Variants in PIR observed in about 807,000 individuals in gnomAD.
PIR encodes the protein pirin (iron-binding nuclear protein).
In PIR, 22 loss-of-function variants were observed where a neutral mutation model predicts 24.2. The ratio of observed to expected loss-of-function variants is 0.91; its 90% CI spans 0.65 to 1.30. PIR has a LOEUF of 1.30. Among genes scored for constraint, PIR ranks in the 50% most tolerant of loss-of-function variants. The pLI is 0.00. For synonymous variants in PIR, 80 were observed against 79.6 expected, an observed-to-expected ratio of 1.00 and a Z score of -0.03; for missense variants, 220 against 220.3, an observed-to-expected ratio of 1.00 and a Z score of 0.01.
At chrX:15,488,278 CAAA>C (rs1184870069) in intron 2 of PIR, among the ~76,000 whole-genome samples, 2 of 31,934 alleles carry the variant, frequency 6.3e-5, no homozygotes, top group Middle Eastern at 0.019. Flanking sequence ...AACTCCGTCT[CAAA>C]AAAAAAAAAA....
chrX:15,428,335 G>C (rs985432719), intron 5 of PIR, among the ~76,000 whole-genome samples: 7 of 111,592 alleles, frequency 6.3e-5, no homozygotes, highest in Admixed American at 4.8e-4. Flanking sequence ...GTCTGATGAG[G>C]ACTTCTAAAA....
chrX:15,476,600 A>G (rs972307728), intron 3 of PIR, among the ~76,000 whole-genome samples: 1 of 111,136 alleles, frequency 9.0e-6, no homozygotes, highest in Non-Finnish European at 1.9e-5. Context: ...AAATGATCTG[A>G]CTTCCTTAAT....
In PIR at chrX:15,457,081, A is replaced by C. The variant is rs568102800; in HGVS notation, c.274-1027T>G. 3.5e-4 allele frequency among the ~76,000 whole-genome samples: 39 copies of C among 112,272 alleles called. No individual in the cohort carries two copies. In the South Asian group the frequency reaches 0.014, roughly 40 times the overall value. On this transcript the variant is annotated intron_variant, in intron 4 of 9. Coordinates refer to ENST00000380420, the MANE Select transcript of PIR (RefSeq NM_001018109.3). The stretch of plus-strand genomic sequence containing the variant: ...AGTGAGGCAAGGGAGAAAGCCAAAA[A>C]GAGTTGTTAATGAGAAGGTTATATC...
chrX:15,479,035 A>T, intron 3 of PIR, among the ~76,000 whole-genome samples: 1 of 112,388 alleles, frequency 8.9e-6, no homozygotes, highest in Non-Finnish European at 1.9e-5. Context: ...TGTGTGGACA[A>T]TGAGAATCTT....
chrX:15,401,544 A>C (rs1317740952), intron 7 of PIR, among the ~76,000 whole-genome samples: 1 of 111,612 alleles, frequency 9.0e-6, no homozygotes, highest in Non-Finnish European at 1.9e-5. Context: ...TTATCTCCTG[A>C]ACCTAAAATA....
At chrX:15,401,809 T>C (rs768778488) in intron 7 of PIR, among the ~76,000 whole-genome samples, 5 of 108,487 alleles carry the variant, frequency 4.6e-5, no homozygotes, top group African/African-American at 1.6e-4. Context: ...TGTACAACTT[T>C]TCTGCAAATG....
At chrX:15,432,918 A>G (rs1236097781) in intron 5 of PIR, among the ~76,000 whole-genome samples, 1 of 112,494 alleles carries the variant, frequency 8.9e-6, no homozygotes, top group Admixed American at 9.4e-5. Context: ...AAGGATGGCC[A>G]TCATGTTTCT....
chrX:15,464,046 A>G (rs1267105759), intron 3 of PIR, among the ~76,000 whole-genome samples: 1 of 112,771 alleles, frequency 8.9e-6, no homozygotes, highest in Admixed American at 9.4e-5. Flanking sequence ...GTGTAGCCAT[A>G]TAAGAGAATA....
At chrX:15,486,538 G>A (rs1922841733) in intron 2 of PIR, among the ~76,000 whole-genome samples, 1 of 111,157 alleles carries the variant, frequency 9.0e-6, no homozygotes, top group South Asian at 3.8e-4. Context: ...CTTGTTTTAG[G>A]TCCATGGCAT....
chrX:15,427,693 TACAC>T (rs58998460), intron 5 of PIR, among the ~76,000 whole-genome samples: 630 of 103,561 alleles, frequency 6.1e-3, no homozygotes, highest in Middle Eastern at 0.02. Flanking sequence ...TGACAGTACA[TACAC>T]ACACACACAC....
At chrX:15,464,598 T>C (rs1204158964) in intron 3 of PIR, among the ~76,000 whole-genome samples, 2 of 111,923 alleles carry the variant, frequency 1.8e-5, no homozygotes, top group Non-Finnish European at 3.8e-5. Flanking sequence ...TGTGTTACTG[T>C]GTGGAAAAGA....
Position 15,413,973 on chromosome X carries a change from G to T in PIR, c.566-6423C>A, listed in dbSNP as rs756744289. Among the ~76,000 whole-genome samples the T allele has an allele frequency of 6.3e-5, 7 of 111,980 alleles. No individual in the cohort carries two copies. In the East Asian group the frequency reaches 1.7e-3, roughly 27 times the overall value. ...ACATTCATAATACTGAACACTCATT[G>T]CATCAGAAGCTAACAGGAAAGCTAA... On this transcript the variant is annotated intron_variant, in intron 6 of 9. Transcript: ENST00000380420.
At chrX:15,430,923 C>T (rs754187676) in intron 5 of PIR, among the ~76,000 whole-genome samples, 1 of 112,034 alleles carries the variant, frequency 8.9e-6, no homozygotes, top group South Asian at 3.7e-4. Flanking sequence ...TTCCCAAATG[C>T]TGCTGTTTTT....
intron 7 of PIR, among the ~76,000 whole-genome samples, chrX:15,404,704 C>T (rs946475675): frequency 2.7e-5 from 3 of 112,199 alleles, no homozygotes; most frequent in African/African-American, 6.5e-5. Flanking sequence ...ATTTCTGTTT[C>T]GTCATTTCTT....
At chrX:15,411,850 A>T (rs1486175460) in intron 6 of PIR, among the ~76,000 whole-genome samples, 1 of 112,057 alleles carries the variant, frequency 8.9e-6, no homozygotes, top group Non-Finnish European at 1.9e-5. Flanking sequence ...CATATCAAAA[A>T]GTTGCAAAAA....
chrX:15,424,001 G>C (rs112197815), intron 6 of PIR, among the ~76,000 whole-genome samples: 4,366 of 112,010 alleles, frequency 0.039, 217 homozygotes, highest in African/African-American at 0.13. Flanking sequence ...ATTATGGAAA[G>C]CAGTATGAAG....
At chrX:15,446,267 G>A (rs780127115) in intron 5 of PIR, among the ~76,000 whole-genome samples, 6 of 111,689 alleles carry the variant, frequency 5.4e-5, no homozygotes, top group East Asian at 2.8e-4. Flanking sequence ...GAAAATGAAC[G>A]TGTGTTTTGA....
At position 15,456,190 on chromosome X, in the gene PIR, T is replaced by C. The variant is rs1017501002; in HGVS notation, c.274-136A>G. 10 of 531,357 alleles carry C rather than the reference T, an allele frequency of 1.9e-5. No homozygotes were observed. The African/African-American group carries it at 2.3e-4, about 12-fold the overall frequency. 43.8% of individuals were successfully genotyped at this position (531,357 alleles called of 1,213,427 possible). ...CAGAGCCCCTGGGCATCGAGGGGAA[T>C]AATAAACATCAGTGACAATTGCTGG... is the stretch of plus-strand genomic sequence containing the variant. On this transcript the variant is annotated intron_variant, in intron 4 of 9. Coordinates refer to ENST00000380420, the MANE Select transcript of PIR (RefSeq NM_001018109.3).
chrX:15,422,487 C>A (rs1925167624), intron 6 of PIR, among the ~76,000 whole-genome samples: 1 of 110,321 alleles, frequency 9.1e-6, no homozygotes, highest in Admixed American at 9.7e-5. Flanking sequence ...TTGCAGGATA[C>A]AAAATCAACA....
Sources: gnomAD v4.1 joint callset for allele counts (sites outside exome capture counted in the v4.1 genomes callset) on GRCh38, gnomAD v4.1.1 for gene constraint, MANE v1.5 for transcripts, NCBI Gene and HGNC (gene_info 2026-07-23, HGNC 2026-07-21) for gene names.